OTOG: variants seen among roughly 807,000 people sequenced by gnomAD.
OTOG encodes otogelin.
OTOG carries 296 observed loss-of-function variants against 313.8 expected under a neutral mutation model. The observed-to-expected ratio is 0.94, with a 90% CI of 0.86 to 1.04. The LOEUF (loss-of-function observed/expected upper bound fraction) is 1.04, where lower values mean the gene tolerates loss of function less well. Among genes scored for constraint, OTOG ranks in the 50% least tolerant of loss-of-function variants. The probability of loss-of-function intolerance (pLI) is 0.00; values close to 1 mark genes in which losing one functional copy is unlikely to be tolerated. For missense variants in OTOG, 3,948 were observed against 3,840.1 expected, an observed-to-expected ratio of 1.03 and a Z score of -0.74; for synonymous variants, 1,533 against 1,554.9, an observed-to-expected ratio of 0.99 and a Z score of 0.33.
rs56402246 is a variant in OTOG at position 17,548,418 on chromosome 11, C to CTTTTTTTTTTTTTTTT, written c.216+229_216+244dup. Among the ~76,000 whole-genome samples, 10 of 87,620 alleles carry CTTTTTTTTTTTTTTTT rather than the reference C, an allele frequency of 1.1e-4. 1 individual carries two copies. The highest frequency in any genetic ancestry group is 2.8e-4 in the African/African-American group (6 of 21,086). 57.5% of individuals were successfully genotyped at this position (87,620 alleles called of 152,430 possible). A position where few individuals can be genotyped will look rare whatever the true frequency, so the allele number is the denominator to read the frequency against. ...ATCTCTTGGGGGTCTATAGTCCACT[C>CTTTTTTTTTTTTTTTT]TTTTTTTTTTTTTTTTTTTTTTTTT... On this transcript the variant is annotated intron_variant, in intron 3 of 55. Coordinates refer to ENST00000399397, the MANE Select transcript of OTOG (RefSeq NM_001292063.2).
chr11:17,560,155 G>A (rs768553505), intron 12 of OTOG, among the ~76,000 whole-genome samples: 8 of 152,204 alleles, frequency 5.3e-5, no homozygotes, highest in Admixed American at 1.3e-4. Flanking sequence ...TATGGGGACT[G>A]GTTTTCAGTG....
At position 17,611,100 on chromosome 11, in the gene OTOG, C is replaced by A. The variant is rs993815613; in HGVS notation, c.5800C>A (p.Leu1934Ile). ...TTCTGCAGAGGGTGGGCCCACAGAG[C>A]TCACGCCTGCTACGAGCCACCCTCT... ...YGSAEGGPTE[L>I]TPATSHPLTP... is the part of the protein sequence containing the mutation. The change falls in exon 36 of 56, where the codon CTC becomes ATC. Residue 1934 changes from leucine (L) to isoleucine (I), a missense_variant. Coordinates refer to ENST00000399397, the MANE Select transcript of OTOG (RefSeq NM_001292063.2). The A allele has an allele frequency of 3.9e-6, 6 of 1,550,410 alleles. No homozygotes were observed. Among genetic ancestry groups the A allele is most frequent in the Non-Finnish European group, 5.2e-6 (6 of 1,146,948 alleles).
chr11:17,555,897 G>A lies in OTOG; in HGVS notation c.659G>A (p.Arg220Lys). The A allele has an allele frequency of 2.6e-6, 4 of 1,548,888 alleles. No homozygotes were observed. The highest frequency in any genetic ancestry group is 3.5e-6 in the Non-Finnish European group (4 of 1,145,080). ...LAKEVTHGGM[R>K]VQLPHVMGSA... ...AAGGAGGTCACCCATGGAGGCATGA[G>A]GTAACTCTAACACCTTCCACATCGA... is the stretch of plus-strand genomic sequence containing the variant. Residue 220 changes from arginine to lysine, a missense_variant and splice_region_variant, in exon 7 of 56, where the codon AGG becomes AAG. Coordinates refer to ENST00000399397, the MANE Select transcript of OTOG (RefSeq NM_001292063.2).
intron 31 of OTOG, 27 bp downstream of exon 31, chr11:17,599,724 C>G (rs1296894703): frequency 1.3e-6 from 2 of 1,548,674 alleles, no homozygotes; most frequent in Non-Finnish European, 8.7e-7. Context: ...CACGCAGAGT[C>G]TCAGGGGCTC....
rs961390129 is a variant in OTOG, at chr11:17,600,569, C to G, written c.3709+872C>G. The stretch of plus-strand genomic sequence containing the variant: ...GGAGAGACTGGAGACAGGATACCAT[C>G]TGGGGGCCTGCGAGATGACGGCCGG... On this transcript the variant is annotated intron_variant, in intron 31 of 55. Transcript: ENST00000399397. Among the ~76,000 whole-genome samples the G allele has an allele frequency of 2.0e-5, 3 of 152,156 alleles. No individual in the cohort carries two copies. In the East Asian group the frequency reaches 5.8e-4, roughly 29 times the overall value.
rs1481317339 is a variant in OTOG, at chr11:17,555,785, A to C, written c.547A>C (p.Asn183His). ...EGQSFSIQVH[N>H]DPQCGSSPYT... ...CTCTGAACTCCCTACTCAGGTACAC[A>C]ATGACCCGCAGTGTGGCTCTTCACC... Residue 183 changes from asparagine to histidine, a missense_variant, in exon 7 of 56, where the codon AAT becomes CAT. By Grantham distance (68) the Asn-to-His change is moderately conservative. Transcript: ENST00000399397. 7.1e-6 allele frequency: 11 copies of C among 1,550,124 alleles called. No individual in the cohort carries two copies. The Middle Eastern group carries it at 5.2e-4, about 74-fold the overall frequency.
Position 17,547,438 on chromosome 11 carries a change from AGC to A in OTOG, c.67_68del (p.Ala23ArgfsTer52). The A allele has an allele frequency of 7.2e-7, 1 of 1,391,368 alleles. No individual in the cohort carries two copies. Among genetic ancestry groups the A allele is most frequent in the South Asian group, 1.7e-5 (1 of 60,482 alleles). The allele number at this position is 1,391,368 out of a possible 1,614,324, so 86.2% of individuals were successfully genotyped here. A position where few individuals can be genotyped will look rare whatever the true frequency, so the allele number is the denominator to read the frequency against. On this transcript the variant is annotated frameshift_variant, in exon 1 of 56. Coordinates refer to ENST00000399397, the MANE Select transcript of OTOG (RefSeq NM_001292063.2). LOFTEE classifies it high-confidence loss of function. ...TCTGGCTGCCCTGGGGTGAGCAGGC[AGC>A]CGAGTCCCTGCGGGTGCAGCGCCTC... ...CVWLPWGEQA[A>X]ESLRVQRLAA...
chr11:17,570,591 C>G, intron 17 of OTOG: 1 of 517,224 alleles, frequency 1.9e-6, no homozygotes, highest in South Asian at 3.2e-5. Flanking sequence ...GTGGAATCAC[C>G]TCAGGAGCTT....
chr11:17,616,908 G>A (rs753427900), intron 39 of OTOG, among the ~76,000 whole-genome samples: 1 of 152,188 alleles, frequency 6.6e-6, no homozygotes, highest in Non-Finnish European at 1.5e-5. Flanking sequence ...AATAAGAAAG[G>A]TTGAGAGCAA....
chr11:17,571,689 C>T (rs1361117218), intron 17 of OTOG, among the ~76,000 whole-genome samples: 1 of 152,096 alleles, frequency 6.6e-6, no homozygotes, highest in Non-Finnish European at 1.5e-5. Flanking sequence ...CATATTCATT[C>T]CCCGCCCCAA....
intron 39 of OTOG, among the ~76,000 whole-genome samples, chr11:17,622,809 A>G (rs1324949900): frequency 6.6e-6 from 1 of 152,222 alleles, no homozygotes; most frequent in African/African-American, 2.4e-5. Context: ...TGCTGCAACA[A>G]ACATGGGAGT....
intron 38 of OTOG, among the ~76,000 whole-genome samples, chr11:17,613,187 TTTCTTTCTTTTC>T (rs1853612359): frequency 2.1e-5 from 2 of 96,964 alleles, no homozygotes; most frequent in Admixed American, 9.4e-5. Flanking sequence ...TCTTTCTTTC[TTTCTTTCTTTTC>T]TTTCTTTCTT....
At chr11:17,575,881 C>A (rs1364997134) in intron 20 of OTOG, among the ~76,000 whole-genome samples, 1 of 152,114 alleles carries the variant, frequency 6.6e-6, no homozygotes, top group African/African-American at 2.4e-5. Context: ...GGAAGAGTTT[C>A]GGCGTCCGGT....
At chr11:17,560,859 G>A (rs757983640) in intron 13 of OTOG, 42 bp downstream of exon 13, 70 of 1,487,920 alleles carry the variant, frequency 4.7e-5, no homozygotes, top group South Asian at 1.1e-4. Context: ...GGGCATGGCC[G>A]CTGAGGCTTT....
intron 31 of OTOG, among the ~76,000 whole-genome samples, chr11:17,600,703 A>G (rs1853228723): frequency 6.6e-6 from 1 of 152,208 alleles, no homozygotes; most frequent in African/African-American, 2.4e-5. Flanking sequence ...TGAGCCTGCA[A>G]TGGGGGAACT....
Position 17,593,528 on chromosome 11 carries a change from G to A in OTOG, c.3142-82G>A, listed in dbSNP as rs369545383. 3.8e-5 allele frequency: 58 copies of A among 1,514,186 alleles called. No homozygotes were observed. In the African/African-American group the frequency reaches 5.5e-4, roughly 14 times the overall value. The allele number at this position is 1,514,186 out of a possible 1,614,324, so 93.8% of individuals were successfully genotyped here. Reference sequence around the variant, plus strand: ...AGGGTATGAGGGAGGCAGAGGCATTGGTGAGGGCCTGGCTGCAGGCATAGC... The same window carrying A: ...AGGGTATGAGGGAGGCAGAGGCATTAGTGAGGGCCTGGCTGCAGGCATAGC... On this transcript the variant is annotated intron_variant, in intron 26 of 55. Transcript: ENST00000399397.
chr11:17,596,262 A>C, intron 29 of OTOG, 108 bp downstream of exon 29: 1 of 815,408 alleles, frequency 1.2e-6, no homozygotes, highest in Non-Finnish European at 2.0e-6. Context: ...TCAGATCTCC[A>C]GGGAAGATCT....
chr11:17,593,401 G>A, intron 26 of OTOG, 74 bp downstream of exon 26: 1 of 1,509,902 alleles, frequency 6.6e-7, no homozygotes, highest in Non-Finnish European at 8.9e-7. Context: ...GAGGGCTGAG[G>A]ACTGGCTTCC....
In OTOG at chr11:17,610,361, C is replaced by G. The variant is rs1243761199; in HGVS notation, c.5061C>G (p.Ala1687=). The part of the protein sequence containing the change: ...SRTGVPQPTQ[A]QSASSPSTPL... ...CAGGGGTCCCCCAGCCCACCCAGGC[C>G]CAGAGTGCTTCAAGTCCCAGCACCC... The change falls in exon 36 of 56, where the codon GCC becomes GCG. Residue 1687 remains alanine (A), a synonymous_variant. Transcript: ENST00000399397. 5.2e-6 allele frequency: 8 copies of G among 1,550,676 alleles called. No individual in the cohort carries two copies. The South Asian group carries it at 8.3e-5, about 16-fold the overall frequency.
Sources: allele counts gnomAD v4.1 joint callset (sites outside exome capture counted in the v4.1 genomes callset), GRCh38; gene constraint gnomAD v4.1.1; transcripts MANE v1.5; gene names NCBI Gene and HGNC (gene_info 2026-07-23, HGNC 2026-07-21).